Variants in CEMIP observed in about 807,000 individuals in gnomAD.
CEMIP encodes cell migration inducing hyaluronidase 1, also known as cell migration-inducing and hyaluronan-binding protein.
CEMIP carries 105 observed loss-of-function variants against 156.9 expected under a neutral mutation model. That is an observed-to-expected ratio of 0.67 (90% CI 0.57 to 0.79). CEMIP has a LOEUF of 0.79. CEMIP is among the 30% of genes least tolerant of loss of function. CEMIP has a pLI of 0.00. For synonymous variants in CEMIP, 676 were observed against 668.4 expected, an observed-to-expected ratio of 1.01 and a Z score of -0.17; for missense variants, 1,457 against 1,769.4, an observed-to-expected ratio of 0.82 and a Z score of 3.17.
intron 1 of CEMIP, among the ~76,000 whole-genome samples, chr15:80,847,245 C>T (rs538932774): frequency 6.6e-6 from 1 of 152,294 alleles, no homozygotes; most frequent in South Asian, 2.1e-4. Flanking sequence ...GATGGGGTTT[C>T]GCCATGTTGG....
At chr15:80,798,572 T>A (rs1291879233) in intron 1 of CEMIP, among the ~76,000 whole-genome samples, 1 of 152,184 alleles carries the variant, frequency 6.6e-6, no homozygotes, top group African/African-American at 2.4e-5. Flanking sequence ...CAGGTGAAAA[T>A]TCATAGCTAA....
chr15:80,783,860 G>C (rs1348248306), intron 1 of CEMIP, among the ~76,000 whole-genome samples: 2 of 152,174 alleles, frequency 1.3e-5, no homozygotes, highest in Non-Finnish European at 2.9e-5. Flanking sequence ...TACATTTGCT[G>C]TCTGCTTAGT....
chr15:80,919,101 C>T (rs1414312696), intron 14 of CEMIP, among the ~76,000 whole-genome samples: 1 of 152,128 alleles, frequency 6.6e-6, no homozygotes, highest in East Asian at 1.9e-4. Context: ...TGTGTGATTC[C>T]AAGAAGGAAA....
rs142904834 is a variant in CEMIP, at chr15:80,894,853, C to A, written c.1087-137C>A. The A allele has an allele frequency of 5.7e-3, 5,911 of 1,037,632 alleles. 25 individuals carry two copies. The highest frequency in any genetic ancestry group is 7.5e-3 in the Non-Finnish European group (5,032 of 671,092). The allele number at this position is 1,037,632 out of a possible 1,614,324, so 64.3% of individuals were successfully genotyped here. On this transcript the variant is annotated intron_variant, in intron 10 of 29. Coordinates refer to ENST00000394685, the MANE Select transcript of CEMIP (RefSeq NM_001293298.2). ...TGATGGGGGCAATCATTGGGATAAT[C>A]ATCTCGGGCCGTTGTAAATAGTGTT...
At chr15:80,930,561 C>T (rs1900873434) in intron 21 of CEMIP, among the ~76,000 whole-genome samples, 1 of 152,052 alleles carries the variant, frequency 6.6e-6, no homozygotes, top group Non-Finnish European at 1.5e-5. Flanking sequence ...TGGACTGTCC[C>T]TAAAATATGT....
rs1899936436 is a variant in CEMIP, at chr15:80,909,143, A to C, written c.1634A>C (p.Lys545Thr). ...KAAHLEGTEL[K>T]HMGQQLVGQY... ...GCACACTTGGAGGGCACGGAGCTGA[A>C]GCATATGGGACAGCAGCTGGTGGGT... Residue 545 changes from lysine (K) to threonine (T), a missense_variant, in exon 14 of 30, where the codon AAG becomes ACG. Lys to Thr is a moderately conservative substitution (Grantham distance 78, BLOSUM62 -1). Transcript: ENST00000394685. 1 of 1,614,172 alleles carries C rather than the reference A, an allele frequency of 6.2e-7. No individual in the cohort carries two copies. Among genetic ancestry groups the C allele is most frequent in the Non-Finnish European group, 8.5e-7 (1 of 1,180,038 alleles).
intron 1 of CEMIP, among the ~76,000 whole-genome samples, chr15:80,810,086 CAG>C (rs1409783063): frequency 6.6e-6 from 1 of 151,764 alleles, no homozygotes; most frequent in Non-Finnish European, 1.5e-5. Flanking sequence ...GTGTGTATAC[CAG>C]GTTCTGGGAA....
At chr15:80,904,595 G>A (rs764087916) in intron 12 of CEMIP, among the ~76,000 whole-genome samples, 5 of 152,168 alleles carry the variant, frequency 3.3e-5, no homozygotes, top group Non-Finnish European at 5.9e-5. Context: ...TTAAAAGAGG[G>A]ACACAGGAAG....
At chr15:80,944,197 T>A (rs528175137) in intron 28 of CEMIP, among the ~76,000 whole-genome samples, 77 of 152,272 alleles carry the variant, frequency 5.1e-4, no homozygotes, top group Non-Finnish European at 9.3e-4. Flanking sequence ...GGAGAATCGC[T>A]TGAACCCAGG....
chr15:80,889,863 A>T (rs963050933), intron 10 of CEMIP, among the ~76,000 whole-genome samples: 3 of 152,290 alleles, frequency 2.0e-5, no homozygotes, highest in Non-Finnish European at 4.4e-5. Flanking sequence ...TGCCCCCACC[A>T]CAGGGATGGG....
chr15:80,940,004 T>C lies in CEMIP; in HGVS notation c.3408-1845T>C, dbSNP rs576035640. Among the ~76,000 whole-genome samples the C allele has an allele frequency of 2.0e-5, 3 of 152,356 alleles. No individual in the cohort carries two copies. The South Asian group carries it at 6.2e-4, about 32-fold the overall frequency. On this transcript the variant is annotated intron_variant, in intron 25 of 29. Coordinates refer to ENST00000394685, the MANE Select transcript of CEMIP (RefSeq NM_001293298.2). ...CTCATTTTTTCCAGGTTAAAAAAAC[T>C]GTTAAGTGATTGTAGCTGTGTTCTG...
chr15:80,895,630 G>A (rs1448350001), intron 11 of CEMIP, among the ~76,000 whole-genome samples: 1 of 152,264 alleles, frequency 6.6e-6, no homozygotes, highest in East Asian at 1.9e-4. Context: ...TTTAACTCCA[G>A]CTAAGAAGTT....
chr15:80,821,135 A>G (rs1896898660), intron 1 of CEMIP, among the ~76,000 whole-genome samples: 1 of 152,242 alleles, frequency 6.6e-6, no homozygotes, highest in Admixed American at 6.5e-5. Flanking sequence ...GGCCCCTTGG[A>G]GCACATAATC....
intron 21 of CEMIP, 44 bp from the exon 22 acceptor site, chr15:80,931,815 A>T (rs966508332): frequency 1.9e-6 from 3 of 1,590,750 alleles, no homozygotes; most frequent in Non-Finnish European, 2.6e-6. Context: ...CTCCATAGGA[A>T]TGGAAAACAT....
At chr15:80,921,176 T>C in intron 16 of CEMIP, 75 bp downstream of exon 16, 1 of 1,314,064 alleles carries the variant, frequency 7.6e-7, no homozygotes, top group Non-Finnish European at 1.1e-6. Context: ...GAGGCTTACC[T>C]TGAAACATGT....
At chr15:80,873,080 G>A (rs1898351342) in intron 1 of CEMIP, among the ~76,000 whole-genome samples, 1 of 152,106 alleles carries the variant, frequency 6.6e-6, no homozygotes, top group Non-Finnish European at 1.5e-5. Flanking sequence ...GGAATTTCCT[G>A]GAATTCAAAC....
At position 80,949,245 on chromosome 15, in the gene CEMIP, G is replaced by A. The variant is rs1901713449; in HGVS notation, c.*321G>A. 2.4e-6 allele frequency: 1 copy of A among 408,900 alleles called. No homozygotes were observed. Among genetic ancestry groups the A allele is most frequent in the Non-Finnish European group, 4.6e-6 (1 of 215,822 alleles). 25.3% of individuals were successfully genotyped at this position (408,900 alleles called of 1,614,324 possible). A position where few individuals can be genotyped will look rare whatever the true frequency, so the allele number is the denominator to read the frequency against. ...GACCATATCAGGAGACCTGGGTTGT[G>A]CTGACAGCAAAGATCCACTTTGGCA... is the stretch of plus-strand genomic sequence containing the variant. On this transcript the variant is annotated 3_prime_UTR_variant, in exon 30 of 30. Coordinates refer to ENST00000394685, the MANE Select transcript of CEMIP (RefSeq NM_001293298.2).
At chr15:80,886,576 A>T (rs1898850322) in intron 7 of CEMIP, among the ~76,000 whole-genome samples, 1 of 152,120 alleles carries the variant, frequency 6.6e-6, no homozygotes, top group Admixed American at 6.5e-5. Flanking sequence ...CTTTCCTTCT[A>T]CTCTTCTAAG....
intron 1 of CEMIP, among the ~76,000 whole-genome samples, chr15:80,833,732 G>A (rs1897209741): frequency 2.0e-5 from 3 of 147,106 alleles, no homozygotes. Flanking sequence ...GCAGTGGCAT[G>A]ATCTCTGTTC....
Sources: gnomAD v4.1 joint callset for allele counts (sites outside exome capture counted in the v4.1 genomes callset) on GRCh38, gnomAD v4.1.1 for gene constraint, MANE v1.5 for transcripts, NCBI Gene and HGNC (gene_info 2026-07-23, HGNC 2026-07-21) for gene names.